The following SYNDIG1 variants were observed in gnomAD, a reference collection of about 807,000 sequenced individuals.
The protein encoded by SYNDIG1 is synapse differentiation inducing 1.
SYNDIG1 carries 9 observed loss-of-function variants against 19.4 expected under a neutral mutation model. The ratio of observed to expected loss-of-function variants is 0.46; its 90% CI spans 0.28 to 0.81. The LOEUF is 0.81. Ranked by LOEUF, SYNDIG1 falls within the 30% of genes least tolerant of loss-of-function variation. The pLI, the probability that SYNDIG1 is intolerant of heterozygous loss-of-function variation, is 0.12. For missense variants in SYNDIG1, 311 were observed against 343.3 expected, an observed-to-expected ratio of 0.91 and a Z score of 0.74; for synonymous variants, 141 against 145.9, an observed-to-expected ratio of 0.97 and a Z score of 0.24.
chr20:24,508,027 G>A (rs772615945), intron 1 of SYNDIG1, among the ~76,000 whole-genome samples: 2 of 151,882 alleles, frequency 1.3e-5, no homozygotes, highest in African/African-American at 2.4e-5. Flanking sequence ...GCCAAACTAC[G>A]AAGAAGTGTT....
chr20:24,662,049 C>T (rs867737910), intron 3 of SYNDIG1, among the ~76,000 whole-genome samples: 1 of 152,056 alleles, frequency 6.6e-6, no homozygotes, highest in Non-Finnish European at 1.5e-5. Context: ...CAACAGCTCT[C>T]GGTCCTTTGA....
At chr20:24,565,773 C>T (rs781630354) in intron 2 of SYNDIG1, among the ~76,000 whole-genome samples, 4 of 152,146 alleles carry the variant, frequency 2.6e-5, no homozygotes, top group Non-Finnish European at 5.9e-5. Flanking sequence ...GCTTCACAGC[C>T]CTGAGTCTCA....
At chr20:24,608,572 A>G (rs1320361382) in intron 3 of SYNDIG1, among the ~76,000 whole-genome samples, 1 of 152,228 alleles carries the variant, frequency 6.6e-6, no homozygotes, top group African/African-American at 2.4e-5. Context: ...CTCTGTACAT[A>G]GGAACATGAA....
At chr20:24,515,072 A>G (rs2056832826) in intron 1 of SYNDIG1, among the ~76,000 whole-genome samples, 1 of 152,216 alleles carries the variant, frequency 6.6e-6, no homozygotes, top group African/African-American at 2.4e-5. Context: ...GTTCTTTGAA[A>G]CCAATGAGAA....
chr20:24,474,467 C>T (rs150582048), intron 1 of SYNDIG1, among the ~76,000 whole-genome samples: 3 of 152,244 alleles, frequency 2.0e-5, no homozygotes, highest in South Asian at 2.1e-4. Context: ...AAAATAAAAG[C>T]TGTTTCCAAA....
chr20:24,551,394 G>A (rs2079546873), intron 2 of SYNDIG1, among the ~76,000 whole-genome samples: 2 of 152,098 alleles, frequency 1.3e-5, no homozygotes, highest in African/African-American at 4.8e-5. Context: ...GGTCAGTCTA[G>A]ATAGAAATTG....
intron 2 of SYNDIG1, among the ~76,000 whole-genome samples, chr20:24,580,604 TCAC>T (rs970341128): frequency 2.6e-5 from 4 of 152,132 alleles, no homozygotes; most frequent in African/African-American, 7.2e-5. Context: ...AGACAGGGTT[TCAC>T]CATGTTGCCC....
At chr20:24,533,884 A>G (rs981614637) in intron 1 of SYNDIG1, among the ~76,000 whole-genome samples, 3 of 152,180 alleles carry the variant, frequency 2.0e-5, no homozygotes, top group Admixed American at 6.5e-5. Flanking sequence ...ATGGCTATAA[A>G]GGTATTCACC....
chr20:24,483,974 A>C (rs981582468), intron 1 of SYNDIG1, among the ~76,000 whole-genome samples: 2 of 152,162 alleles, frequency 1.3e-5, no homozygotes, highest in South Asian at 2.1e-4. Flanking sequence ...TTCTCGGCAG[A>C]GGGTGCAGGA....
intron 1 of SYNDIG1, among the ~76,000 whole-genome samples, chr20:24,537,178 A>G (rs1018250096): frequency 1.1e-4 from 17 of 152,086 alleles, no homozygotes; most frequent in African/African-American, 3.6e-4. Context: ...AACACTACCT[A>G]TGCTGTTCCC....
intron 1 of SYNDIG1, among the ~76,000 whole-genome samples, chr20:24,501,273 C>T (rs116497475): frequency 3.4e-4 from 52 of 152,260 alleles, no homozygotes; most frequent in African/African-American, 1.2e-3. Flanking sequence ...TTGAAGATGG[C>T]GATTCCTCTG....
rs2059289219 is a variant in SYNDIG1, at chr20:24,634,140, C to T, written c.619-31206C>T. ...CAAAGCCCCTCCTCCAGGGGGACCC[C>T]GTCTTTCTGTGCCTTTATCAATGTG... is the stretch of plus-strand genomic sequence containing the variant. On this transcript the variant is annotated intron_variant, in intron 3 of 3. Coordinates refer to ENST00000376862, the MANE Select transcript of SYNDIG1 (RefSeq NM_024893.3). 2.0e-5 allele frequency among the ~76,000 whole-genome samples: 3 copies of T among 152,156 alleles called. No individual in the cohort carries two copies. In the South Asian group the frequency reaches 6.2e-4, roughly 32 times the overall value.
At chr20:24,587,268 T>C (rs945003428) in intron 3 of SYNDIG1, among the ~76,000 whole-genome samples, 3 of 152,182 alleles carry the variant, frequency 2.0e-5, no homozygotes, top group Admixed American at 2.0e-4. Context: ...TGAGAATGTA[T>C]TTCCCTGTGG....
chr20:24,526,837 T>A (rs2057134695), intron 1 of SYNDIG1, among the ~76,000 whole-genome samples: 1 of 152,358 alleles, frequency 6.6e-6, no homozygotes, highest in African/African-American at 2.4e-5. Flanking sequence ...AGAGTTAATA[T>A]CTCTCAATAT....
chr20:24,542,902 TC>T (rs1225780876), intron 1 of SYNDIG1, 117 bp from the exon 2 acceptor site: 13 of 765,642 alleles, frequency 1.7e-5, no homozygotes, highest in Non-Finnish European at 2.4e-5. Context: ...TATCTAACTC[TC>T]ACAGTTACTA....
chr20:24,647,667 TAAG>T (rs1440512010), intron 3 of SYNDIG1, among the ~76,000 whole-genome samples: 1 of 151,664 alleles, frequency 6.6e-6, no homozygotes, highest in Middle Eastern at 3.2e-3. Flanking sequence ...TAATCCCAGT[TAAG>T]AAGGCCCAGC....
intron 1 of SYNDIG1, among the ~76,000 whole-genome samples, chr20:24,518,561 A>G (rs2056937216): frequency 6.6e-6 from 1 of 152,222 alleles, no homozygotes; most frequent in Admixed American, 6.5e-5. Flanking sequence ...AATCTTTCAG[A>G]AAAGTATTTT....
intron 2 of SYNDIG1, among the ~76,000 whole-genome samples, chr20:24,546,532 C>T (rs2057580381): frequency 6.6e-6 from 1 of 152,194 alleles, no homozygotes; most frequent in Admixed American, 6.5e-5. Context: ...GAGGTAACTG[C>T]ATCACCCAGC....
chr20:24,553,687 G>T (rs2057754007), intron 2 of SYNDIG1, among the ~76,000 whole-genome samples: 1 of 152,202 alleles, frequency 6.6e-6, no homozygotes, highest in East Asian at 1.9e-4. Context: ...TTTGGTACCA[G>T]GACCATGCTG....
Sources: allele counts gnomAD v4.1 joint callset (sites outside exome capture counted in the v4.1 genomes callset), GRCh38; gene constraint gnomAD v4.1.1; transcripts MANE v1.5; gene names NCBI Gene and HGNC (gene_info 2026-07-23, HGNC 2026-07-21).